The following LRP1B variants were observed in gnomAD, a reference collection of about 807,000 sequenced individuals.
LRP1B encodes the protein low-density lipoprotein receptor-related protein 1B.
Under a neutral mutation model 556.6 loss-of-function variants are expected in LRP1B, and 217 were observed. That is an observed-to-expected ratio of 0.39 (90% CI 0.35 to 0.44). The LOEUF is 0.44. Ranked by LOEUF, LRP1B falls within the 20% of genes least tolerant of loss-of-function variation. The pLI is 1.00. For missense variants in LRP1B, 5,053 were observed against 5,620.8 expected, an observed-to-expected ratio of 0.90 and a Z score of 3.23; for synonymous variants, 2,047 against 1,865.8, an observed-to-expected ratio of 1.10 and a Z score of -2.50.
At chr2:141,033,552 A>AT (rs1558813822) in intron 11 of LRP1B, among the ~76,000 whole-genome samples, 1 of 151,890 alleles carries the variant, frequency 6.6e-6, no homozygotes, top group Non-Finnish European at 1.5e-5. Flanking sequence ...AAAAAAAAAA[A>AT]ATCATATGTT....
At chr2:140,264,739 T>C (rs1456563569) in intron 86 of LRP1B, among the ~76,000 whole-genome samples, 1 of 128,992 alleles carries the variant, frequency 7.8e-6, no homozygotes. Context: ...TGTGTGTGTG[T>C]GTATATAATT....
intron 84 of LRP1B, among the ~76,000 whole-genome samples, chr2:140,275,378 T>A (rs1682627738): frequency 6.6e-6 from 1 of 152,120 alleles, no homozygotes; most frequent in East Asian, 1.9e-4. Context: ...TGTCTTAAGT[T>A]TTCATTTCTA....
At chr2:141,521,938 T>A (rs1319602026) in intron 2 of LRP1B, among the ~76,000 whole-genome samples, 1 of 152,140 alleles carries the variant, frequency 6.6e-6, no homozygotes, top group Non-Finnish European at 1.5e-5. Context: ...CATGCTAGGT[T>A]ATATAGGCAT....
chr2:141,007,426 A>T (rs1697608665), intron 14 of LRP1B, among the ~76,000 whole-genome samples: 1 of 151,876 alleles, frequency 6.6e-6, no homozygotes, highest in African/African-American at 2.4e-5. Flanking sequence ...ATGAAAGCCA[A>T]GAAAGCTAAT....
chr2:141,900,702 A>G (rs1699592245), intron 1 of LRP1B, among the ~76,000 whole-genome samples: 1 of 152,086 alleles, frequency 6.6e-6, no homozygotes, highest in African/African-American at 2.4e-5. Flanking sequence ...AGATTCTTCA[A>G]TTTATATTTT....
chr2:140,499,013 T>A (rs1225487046), intron 55 of LRP1B, among the ~76,000 whole-genome samples: 2 of 151,920 alleles, frequency 1.3e-5, no homozygotes, highest in Non-Finnish European at 2.9e-5. Flanking sequence ...TGCGCACACC[T>A]TGTGAAGGAT....
chr2:141,645,346 A>C (rs1409987842), intron 2 of LRP1B, among the ~76,000 whole-genome samples: 4 of 151,928 alleles, frequency 2.6e-5, no homozygotes, highest in African/African-American at 4.8e-5. Context: ...GAAGAAATCT[A>C]TTCTGGCAGC....
chr2:140,461,488 T>C (rs1687316998), intron 60 of LRP1B, among the ~76,000 whole-genome samples: 1 of 152,322 alleles, frequency 6.6e-6, no homozygotes, highest in South Asian at 2.1e-4. Context: ...AGAATCTAAA[T>C]GTTATCTTAA....
At chr2:141,987,294 T>TA (rs1702220379) in intron 1 of LRP1B, among the ~76,000 whole-genome samples, 1 of 151,960 alleles carries the variant, frequency 6.6e-6, no homozygotes, top group African/African-American at 2.4e-5. Flanking sequence ...TTCAGGAGTT[T>TA]AAAAAAATAC....
intron 76 of LRP1B, among the ~76,000 whole-genome samples, chr2:140,351,735 GCATA>G (rs202008084): frequency 0.02 from 3,082 of 152,148 alleles, 36 homozygotes; most frequent in African/African-American, 0.028. Context: ...ATGTTCGATT[GCATA>G]CATAGTTTCT....
chr2:140,880,280 T>A (rs942005838), intron 25 of LRP1B, among the ~76,000 whole-genome samples: 1 of 152,178 alleles, frequency 6.6e-6, no homozygotes, highest in Non-Finnish European at 1.5e-5. Flanking sequence ...AGAACTGAAG[T>A]GAGTACCTTG....
chr2:141,924,127 C>G (rs953113153), intron 1 of LRP1B, among the ~76,000 whole-genome samples: 3 of 151,858 alleles, frequency 2.0e-5, no homozygotes, highest in African/African-American at 4.8e-5. Flanking sequence ...TGCAATGCCC[C>G]ACTATCCCGT....
At chr2:141,971,231 G>A (rs1392800155) in intron 1 of LRP1B, among the ~76,000 whole-genome samples, 6 of 151,534 alleles carry the variant, frequency 4.0e-5, no homozygotes, top group South Asian at 2.1e-4. Flanking sequence ...TATTTCACAC[G>A]TGTATCTTAG....
chr2:141,474,323 CCCA>C (rs1682618684), intron 3 of LRP1B, among the ~76,000 whole-genome samples: 1 of 152,158 alleles, frequency 6.6e-6, no homozygotes, highest in Non-Finnish European at 1.5e-5. Flanking sequence ...TACTAATTTT[CCCA>C]TGGTGAATCA....
intron 2 of LRP1B, among the ~76,000 whole-genome samples, chr2:141,616,915 C>T (rs1192786334): frequency 6.6e-6 from 1 of 152,182 alleles, no homozygotes; most frequent in Non-Finnish European, 1.5e-5. Flanking sequence ...CTTTCCCCTC[C>T]TCTTCAGTAC....
chr2:141,605,809 C>A (rs1416345249), intron 2 of LRP1B, among the ~76,000 whole-genome samples: 1 of 152,190 alleles, frequency 6.6e-6, no homozygotes, highest in Non-Finnish European at 1.5e-5. Context: ...TATGGCCTGT[C>A]CTTTCTAGCC....
chr2:140,563,237 AACAG>A (rs1237737077), intron 43 of LRP1B, among the ~76,000 whole-genome samples: 1 of 152,008 alleles, frequency 6.6e-6, no homozygotes, highest in South Asian at 2.1e-4. Context: ...ACTGTGAAAC[AACAG>A]ACAAAGTCTA....
intron 66 of LRP1B, among the ~76,000 whole-genome samples, chr2:140,405,729 C>T (rs1684703855): frequency 6.6e-6 from 1 of 152,094 alleles, no homozygotes; most frequent in Non-Finnish European, 1.5e-5. Flanking sequence ...GCAAAAAGCC[C>T]AGAACCAGAT....
intron 7 of LRP1B, among the ~76,000 whole-genome samples, chr2:141,124,682 A>AG (rs1701156747): frequency 6.6e-6 from 1 of 150,788 alleles, no homozygotes; most frequent in African/African-American, 2.4e-5. Context: ...AAAAAAAAAG[A>AG]AAAAAATACT....
Sources: allele counts gnomAD v4.1 joint callset (sites outside exome capture counted in the v4.1 genomes callset), GRCh38; gene constraint gnomAD v4.1.1; transcripts MANE v1.5; gene names NCBI Gene and HGNC (gene_info 2026-07-23, HGNC 2026-07-21).